The following MTA3 variants were observed in gnomAD, a reference collection of about 807,000 sequenced individuals.
The protein encoded by MTA3 is metastasis-associated protein MTA3.
In MTA3, 34 loss-of-function variants were observed where a neutral mutation model predicts 83.5. The observed-to-expected ratio is 0.41, with a 90% CI of 0.31 to 0.54. MTA3 has a LOEUF of 0.54. Ranked by LOEUF, MTA3 falls within the 20% of genes least tolerant of loss-of-function variation. The pLI is 0.33. For missense variants in MTA3, 761 were observed against 726.4 expected, an observed-to-expected ratio of 1.05 and a Z score of -0.55; for synonymous variants, 303 against 252.7, an observed-to-expected ratio of 1.20 and a Z score of -1.89.
chr2:42,723,019 T>TA lies in MTA3; in HGVS notation c.1743_1744insA (p.His582ThrfsTer6), dbSNP rs1558620724. On this transcript the variant is annotated frameshift_variant, in exon 16 of 17. Transcript: ENST00000405094. LOFTEE classifies it high-confidence loss of function. ...TTCTGGGGAAAAGAAACTACAGTCA[T>TA]CACAATGGTCTGGATGGTATGTAAG... 1 of 1,550,720 alleles carries TA rather than the reference T, an allele frequency of 6.4e-7. No homozygotes were observed. Among genetic ancestry groups the TA allele is most frequent in the Non-Finnish European group, 8.7e-7 (1 of 1,147,044 alleles).
In MTA3 at chr2:42,754,536, A is replaced by C. The variant is rs1670109123; in HGVS notation, c.*1137A>C. ...CTCAGCTGTGCTGAGTAGCTGTGCT[A>C]CTTGTGCTGGCAGCTGCAAGGATAG... On this transcript the variant is annotated 3_prime_UTR_variant, in exon 17 of 17. Transcript: ENST00000405094. 1.0e-6 allele frequency: 1 copy of C among 985,248 alleles called. No individual in the cohort carries two copies. The highest frequency in any genetic ancestry group is 6.1e-5 in the Admixed American group (1 of 16,270). 61.0% of individuals were successfully genotyped at this position (985,248 alleles called of 1,614,324 possible). A position where few individuals can be genotyped will look rare whatever the true frequency, so the allele number is the denominator to read the frequency against.
chr2:42,555,455 C>CAAAAA (rs146740409), intron 2 of MTA3, among the ~76,000 whole-genome samples: 18 of 54,306 alleles, frequency 3.3e-4, no homozygotes, highest in African/African-American at 5.0e-4. Flanking sequence ...AACTCCATCT[C>CAAAAA]AAAAAAAAAA....
At chr2:42,514,682 C>CCTTTTTTTTTTTTTTT (rs1201134677) in intron 2 of MTA3, among the ~76,000 whole-genome samples, 1 of 53,492 alleles carries the variant, frequency 1.9e-5, no homozygotes, top group African/African-American at 8.5e-5. Context: ...CGCCCAGCCC[C>CCTTTTTTTTTTTTTTT]TTTTTTTTTT....
In MTA3 at chr2:42,692,623, C is replaced by T. The variant is rs374039109; in HGVS notation, c.892-3142C>T. Among the ~76,000 whole-genome samples, 22 of 152,224 alleles carry T rather than the reference C, an allele frequency of 1.4e-4. 1 individual carries two copies. The East Asian group carries it at 3.9e-3, about 27-fold the overall frequency. ...AGTATTTTTAGTAGATACAGGGTTT[C>T]ACCACGTTGGCCAGGCTAGTCTCGA... On this transcript the variant is annotated intron_variant, in intron 9 of 16. Transcript: ENST00000405094.
chr2:42,560,221 C>T (rs1677599687), intron 2 of MTA3, among the ~76,000 whole-genome samples: 3 of 152,142 alleles, frequency 2.0e-5, no homozygotes, highest in Admixed American at 1.3e-4. Flanking sequence ...GGGGTTTCAC[C>T]ATTTTGGCCA....
intron 4 of MTA3, among the ~76,000 whole-genome samples, chr2:42,636,049 G>A (rs1001348555): frequency 2.6e-5 from 4 of 152,130 alleles, no homozygotes; most frequent in East Asian, 1.9e-4. Context: ...GATTACAGGC[G>A]TGAGCCACGG....
chr2:42,645,175 CAAAAAAAAAAAAA>C (rs1224226672), intron 6 of MTA3, among the ~76,000 whole-genome samples: 6 of 39,866 alleles, frequency 1.5e-4, no homozygotes, highest in Non-Finnish European at 2.1e-4. Flanking sequence ...GACTCTGTCT[CAAAAAAAAAAAAA>C]AAAAAAAAAA....
intron 3 of MTA3, among the ~76,000 whole-genome samples, chr2:42,585,988 A>G (rs1481086378): frequency 6.6e-6 from 1 of 152,100 alleles, no homozygotes; most frequent in African/African-American, 2.4e-5. Context: ...CTGACAAATA[A>G]AAAGAAAATT....
intron 16 of MTA3, among the ~76,000 whole-genome samples, chr2:42,734,750 G>A (rs4953613): frequency 0.54 from 82,238 of 151,770 alleles, 22,861 homozygotes; most frequent in East Asian, 0.68. Flanking sequence ...CATAAGGCTT[G>A]CAAAAAATAT....
At position 42,644,344 on chromosome 2, in the gene MTA3, C is replaced by T; in HGVS notation, c.499+100C>T. The T allele has an allele frequency of 5.8e-6, 4 of 685,156 alleles. No homozygotes were observed. The South Asian group carries it at 8.8e-5, about 15-fold the overall frequency. 42.4% of individuals were successfully genotyped at this position (685,156 alleles called of 1,614,324 possible). ...GAAGAGGCAATGTTCAGGGCAAAGT[C>T]TAAAAGTTATAAGCACTTGCCATTT... On this transcript the variant is annotated intron_variant, in intron 6 of 16. Coordinates refer to ENST00000405094, the MANE Select transcript of MTA3 (RefSeq NM_001330442.2).
At chr2:42,653,343 A>G (rs1445428790) in intron 6 of MTA3, among the ~76,000 whole-genome samples, 2 of 152,230 alleles carry the variant, frequency 1.3e-5, no homozygotes, top group East Asian at 3.8e-4. Flanking sequence ...TTAACATGGA[A>G]TTAATCTTTG....
At chr2:42,573,372 G>C (rs1394896685) in intron 2 of MTA3, among the ~76,000 whole-genome samples, 1 of 152,252 alleles carries the variant, frequency 6.6e-6, no homozygotes, top group Non-Finnish European at 1.5e-5. Flanking sequence ...GGGAGACAGG[G>C]TCTCACTCTG....
At chr2:42,608,216 A>G (rs1327070907) in intron 3 of MTA3, among the ~76,000 whole-genome samples, 1 of 152,212 alleles carries the variant, frequency 6.6e-6, no homozygotes, top group Non-Finnish European at 1.5e-5. Context: ...GTCTTATACA[A>G]CAACAATTTG....
intron 4 of MTA3, among the ~76,000 whole-genome samples, chr2:42,616,898 T>G (rs1268307213): frequency 6.6e-6 from 1 of 152,200 alleles, no homozygotes; most frequent in Non-Finnish European, 1.5e-5. Context: ...TAATATCTTC[T>G]TAATTGCAAT....
At chr2:42,673,877 C>G (rs1191743439) in intron 8 of MTA3, among the ~76,000 whole-genome samples, 2 of 152,226 alleles carry the variant, frequency 1.3e-5, no homozygotes, top group East Asian at 3.8e-4. Flanking sequence ...TGAGGACTGT[C>G]TTATTCACAA....
intron 2 of MTA3, among the ~76,000 whole-genome samples, chr2:42,543,880 G>C (rs1013339148): frequency 6.6e-6 from 1 of 151,842 alleles, no homozygotes; most frequent in South Asian, 2.1e-4. Context: ...ATTAGAGACA[G>C]GGGTCTCACT....
intron 4 of MTA3, among the ~76,000 whole-genome samples, chr2:42,614,466 T>G (rs971097929): frequency 8.5e-5 from 13 of 152,248 alleles, no homozygotes; most frequent in African/African-American, 3.1e-4. Context: ...AAATATCTTT[T>G]CATTGTGCAT....
In MTA3 at chr2:42,723,040, G is replaced by A. The variant is rs1667541699; in HGVS notation, c.1759+5G>A. On this transcript the variant is annotated splice_donor_5th_base_variant and intron_variant, in intron 16 of 16. Coordinates refer to ENST00000405094, the MANE Select transcript of MTA3 (RefSeq NM_001330442.2). The stretch of plus-strand genomic sequence containing the variant: ...GTCATCACAATGGTCTGGATGGTAT[G>A]TAAGCCCAGGAATTCTGGAGGCTGT... 6.4e-7 allele frequency: 1 copy of A among 1,550,416 alleles called. No homozygotes were observed.
intron 2 of MTA3, among the ~76,000 whole-genome samples, chr2:42,561,399 T>C (rs1340915546): frequency 1.3e-5 from 2 of 152,068 alleles, no homozygotes; most frequent in African/African-American, 4.8e-5. Flanking sequence ...CTTGGCTCAC[T>C]GCAACCTCCA....
Sources: gnomAD v4.1 joint callset for allele counts (sites outside exome capture counted in the v4.1 genomes callset) on GRCh38, gnomAD v4.1.1 for gene constraint, MANE v1.5 for transcripts, NCBI Gene and HGNC (gene_info 2026-07-23, HGNC 2026-07-21) for gene names.